Variants in MYO1H observed in about 807,000 individuals in gnomAD.
The protein encoded by MYO1H is myosin IH.
In MYO1H, 118 loss-of-function variants were observed where a neutral mutation model predicts 149.3. The observed-to-expected ratio is 0.79, with a 90% confidence interval of 0.68 to 0.92. MYO1H has a LOEUF of 0.92. Ranked by LOEUF, MYO1H falls within the 40% of genes least tolerant of loss-of-function variation. The probability of loss-of-function intolerance (pLI) is 0.00; values close to 1 mark genes in which losing one functional copy is unlikely to be tolerated. For synonymous variants in MYO1H, 447 were observed against 465.2 expected, an observed-to-expected ratio of 0.96 and a Z score of 0.50; for missense variants, 1,212 against 1,280.7, an observed-to-expected ratio of 0.95 and a Z score of 0.82.
chr12:109,414,030 G>A (rs796802510), intron 14 of MYO1H, among the ~76,000 whole-genome samples: 44 of 152,314 alleles, frequency 2.9e-4, no homozygotes, highest in African/African-American at 1.0e-3. Flanking sequence ...TCAAAGTGGG[G>A]GTTCTCAGGG....
rs773098748 is a variant in MYO1H, at chr12:109,396,366, G to A, written c.291-18G>A. 7.0e-6 allele frequency: 11 copies of A among 1,581,964 alleles called. No homozygotes were observed. The highest frequency in any genetic ancestry group is 4.5e-5 in the East Asian group (2 of 44,178). ...GTACCATTAAAACGAATTTGTTTCC[G>A]TCTCACTCCTCCTCCAGCTACGCTA... On this transcript the variant is annotated intron_variant, in intron 3 of 31. Transcript: ENST00000310903.
At chr12:109,409,985 T>C in exon 12 of MYO1H, 1 of 1,537,610 alleles carries the variant, frequency 6.5e-7, no homozygotes, top group Non-Finnish European at 8.8e-7. Flanking sequence ...CTGTATAAAT[T>C]ACTGCAATGA....
chr12:109,376,530 C>T (rs1201712693), intron 1 of MYO1H, among the ~76,000 whole-genome samples: 1 of 152,148 alleles, frequency 6.6e-6, no homozygotes, highest in African/African-American at 2.4e-5. Context: ...CCCAGTGTCC[C>T]AGGATGATAT....
At chr12:109,392,273 G>T (rs1869686171) in intron 2 of MYO1H, among the ~76,000 whole-genome samples, 2 of 152,196 alleles carry the variant, frequency 1.3e-5, no homozygotes, top group Admixed American at 1.3e-4. Context: ...TCTCTTGCTA[G>T]TCTCCATTCT....
At chr12:109,369,041 G>A (rs1868929180) in intron 1 of MYO1H, among the ~76,000 whole-genome samples, 1 of 152,086 alleles carries the variant, frequency 6.6e-6, no homozygotes, top group African/African-American at 2.4e-5. Flanking sequence ...AGGCTGGAGT[G>A]TAGTGGTGTG....
chr12:109,404,249 G>A (rs1416095437), intron 7 of MYO1H, among the ~76,000 whole-genome samples, 169 bp downstream of exon 7: 10 of 152,110 alleles, frequency 6.6e-5, no homozygotes, highest in Admixed American at 5.2e-4. Flanking sequence ...AGGACAAGGC[G>A]GGCGGATCAC....
intron 24 of MYO1H, among the ~76,000 whole-genome samples, chr12:109,440,159 C>A (rs1872055382): frequency 6.6e-6 from 1 of 152,062 alleles, no homozygotes; most frequent in Non-Finnish European, 1.5e-5. Flanking sequence ...GTCAGCCCCC[C>A]TGAATAACTG....
chr12:109,422,430 C>T (rs1233854186), intron 16 of MYO1H, among the ~76,000 whole-genome samples: 2 of 152,208 alleles, frequency 1.3e-5, no homozygotes, highest in African/African-American at 4.8e-5. Context: ...GACCGTGTGG[C>T]AGGTTTCCCG....
At chr12:109,342,344 C>T in the MYO1H span, among the ~76,000 whole-genome samples, 6 of 151,958 alleles carry the variant, frequency 3.9e-5, no homozygotes, top group African/African-American at 1.5e-4. Flanking sequence ...GGGGTTTCAC[C>T]ATGTTGTCCA....
chr12:109,390,463 G>A (rs1053026532), intron 2 of MYO1H, among the ~76,000 whole-genome samples: 2 of 151,748 alleles, frequency 1.3e-5, no homozygotes, highest in African/African-American at 4.8e-5. Context: ...CTATATAAGA[G>A]CTTGGAGCTC....
chr12:109,359,126 C>CT (rs944320373), intron 1 of MYO1H: 2 of 152,160 alleles, frequency 1.3e-5, no homozygotes, highest in African/African-American at 4.8e-5. Context: ...TCCCCGCTCA[C>CT]TAACCTAACC....
chr12:109,383,373 G>A (rs1869243972), intron 1 of MYO1H, among the ~76,000 whole-genome samples: 1 of 152,186 alleles, frequency 6.6e-6, no homozygotes, highest in East Asian at 1.9e-4. Flanking sequence ...TCAAACTGCT[G>A]TCCTCCCAGT....
the MYO1H span, among the ~76,000 whole-genome samples, chr12:109,314,209 TTG>T: frequency 6.6e-6 from 1 of 150,894 alleles, no homozygotes; most frequent in South Asian, 2.1e-4. Context: ...TCTTTTTTCT[TTG>T]TCTTTTTTTT....
At chr12:109,410,029 A>G in exon 12 of MYO1H, 1 of 1,543,574 alleles carries the variant, frequency 6.5e-7, no homozygotes, top group Non-Finnish European at 8.7e-7. Context: ...AGAGGACTCT[A>G]AAAGCAGAAC....
At chr12:109,388,804 T>C (rs1467426075) in exon 2 of MYO1H, 1 of 1,613,384 alleles carries the variant, frequency 6.2e-7, no homozygotes, top group South Asian at 1.1e-5. Flanking sequence ...TCTGCCTTTG[T>C]CGACAACCTC....
chr12:109,333,765 T>C, the MYO1H span, among the ~76,000 whole-genome samples: 1 of 152,182 alleles, frequency 6.6e-6, no homozygotes, highest in South Asian at 2.1e-4. Flanking sequence ...CCATCCTAAA[T>C]TGAAAATATC....
chr12:109,351,371 C>T (rs1194921312), intron 1 of MYO1H, among the ~76,000 whole-genome samples: 2 of 152,156 alleles, frequency 1.3e-5, no homozygotes, highest in African/African-American at 4.8e-5. Context: ...ACAAAATAAA[C>T]ATTTTATATC....
At chr12:109,322,086 G>C in the MYO1H span, among the ~76,000 whole-genome samples, 5 of 151,942 alleles carry the variant, frequency 3.3e-5, no homozygotes, top group African/African-American at 1.2e-4. Flanking sequence ...ATCAAGCAGA[G>C]AGCCAGATAT....
At chr12:109,389,101 C>T (rs577502116) in intron 2 of MYO1H, among the ~76,000 whole-genome samples, 8 of 152,308 alleles carry the variant, frequency 5.3e-5, no homozygotes, top group Middle Eastern at 3.4e-3. Flanking sequence ...GGGACTAGAT[C>T]TAGGGTTTCA....
Sources: gnomAD v4.1 joint callset for allele counts (sites outside exome capture counted in the v4.1 genomes callset) on GRCh38, gnomAD v4.1.1 for gene constraint, MANE v1.5 for transcripts, NCBI Gene and HGNC (gene_info 2026-07-23, HGNC 2026-07-21) for gene names.